PDIA5: variants seen among roughly 807,000 people sequenced by gnomAD.
PDIA5 encodes protein disulfide isomerase family A member 5, also known as protein disulfide-isomerase A5.
In PDIA5, 58 loss-of-function variants were observed where a neutral mutation model predicts 77.6. That is an observed-to-expected ratio of 0.75 (90% CI 0.61 to 0.93). The LOEUF is 0.93. Among genes scored for constraint, PDIA5 ranks in the 40% least tolerant of loss-of-function variants. PDIA5 has a pLI of 0.00. For missense variants in PDIA5, 630 were observed against 647.7 expected (o/e 0.97, Z 0.30); for synonymous variants, 250 against 252.1 (o/e 0.99, Z 0.08).
intron 1 of PDIA5, among the ~76,000 whole-genome samples, chr3:123,086,693 C>T (rs1934148469): frequency 6.6e-6 from 1 of 152,228 alleles, no homozygotes. Flanking sequence ...GATTTCTCTT[C>T]ACCATCAATG....
chr3:123,159,936 A>C (rs1936118897), intron 15 of PDIA5, among the ~76,000 whole-genome samples: 1 of 152,220 alleles, frequency 6.6e-6, no homozygotes. Context: ...GCTTTGTCCA[A>C]ATGCAAATAA....
intron 15 of PDIA5, among the ~76,000 whole-genome samples, chr3:123,158,282 G>A (rs938392): frequency 0.44 from 66,727 of 152,058 alleles, 14,968 homozygotes; most frequent in South Asian, 0.54. Context: ...TGCTCATATT[G>A]CTGAAGAGGT....
intron 2 of PDIA5, among the ~76,000 whole-genome samples, chr3:123,089,499 A>C (rs1451136865): frequency 2.0e-5 from 3 of 152,196 alleles, no homozygotes; most frequent in African/African-American, 7.2e-5. Flanking sequence ...GGGTGGTTCC[A>C]TTTCTTTTTT....
chr3:123,149,760 G>A (rs1341836983), intron 13 of PDIA5, among the ~76,000 whole-genome samples: 5 of 152,142 alleles, frequency 3.3e-5, no homozygotes, highest in African/African-American at 1.2e-4. Context: ...CTTACCTAAG[G>A]TTGCACAGCT....
At chr3:123,136,741 A>T (rs903784155) in intron 11 of PDIA5, among the ~76,000 whole-genome samples, 56 of 151,912 alleles carry the variant, frequency 3.7e-4, no homozygotes, top group African/African-American at 1.3e-3. Context: ...AAAAAAAAAA[A>T]AAAAAAAAGG....
At chr3:123,121,167 C>T (rs1167338237) in intron 8 of PDIA5, among the ~76,000 whole-genome samples, 1 of 152,194 alleles carries the variant, frequency 6.6e-6, no homozygotes, top group African/African-American at 2.4e-5. Context: ...GAAATGTGCT[C>T]CATTTCTTGG....
At chr3:123,148,345 A>G (rs992642086) in intron 13 of PDIA5, among the ~76,000 whole-genome samples, 1 of 152,090 alleles carries the variant, frequency 6.6e-6, no homozygotes, top group Non-Finnish European at 1.5e-5. Context: ...AGGCAGGAGG[A>G]TCTCTTGAGT....
At chr3:123,083,853 G>A (rs1934071424) in intron 1 of PDIA5, among the ~76,000 whole-genome samples, 2 of 152,190 alleles carry the variant, frequency 1.3e-5, no homozygotes, top group Non-Finnish European at 2.9e-5. Context: ...CATTGGAAAG[G>A]TTAAAATAGA....
intron 3 of PDIA5, among the ~76,000 whole-genome samples, chr3:123,097,210 G>T (rs550847415): frequency 3.3e-5 from 5 of 152,278 alleles, no homozygotes; most frequent in Admixed American, 1.3e-4. Flanking sequence ...CTTACCAGGG[G>T]GTAAAACAGA....
At chr3:123,110,823 ACTCCCCCTCCC>A in intron 6 of PDIA5, 110 bp from the exon 7 acceptor site, 5 of 846,352 alleles carry the variant, frequency 5.9e-6, no homozygotes, top group Admixed American at 1.8e-5. Context: ...TGAAGTGCTC[ACTCCCCCTCCC>A]CTCCCCATCC....
chr3:123,160,754 T>C (rs1233626173), intron 15 of PDIA5, among the ~76,000 whole-genome samples: 4 of 152,226 alleles, frequency 2.6e-5, no homozygotes, highest in Non-Finnish European at 5.9e-5. Flanking sequence ...AATTCTCTTA[T>C]TCAGTCTTCA....
chr3:123,148,972 C>T (rs536852484), intron 13 of PDIA5, among the ~76,000 whole-genome samples: 125 of 152,258 alleles, frequency 8.2e-4, no homozygotes, highest in African/African-American at 2.6e-3. Flanking sequence ...AACTGAGATG[C>T]GCCTGCCAGC....
chr3:123,136,454 T>G (rs1271326926), intron 11 of PDIA5, among the ~76,000 whole-genome samples: 6 of 152,000 alleles, frequency 3.9e-5, no homozygotes, highest in Non-Finnish European at 1.5e-5. Flanking sequence ...AACAGGGGGT[T>G]GGTTGGCTGG....
At chr3:123,143,064 A>G (rs1279344214) in intron 11 of PDIA5, among the ~76,000 whole-genome samples, 2 of 149,616 alleles carry the variant, frequency 1.3e-5, no homozygotes, top group African/African-American at 2.6e-5. Flanking sequence ...TACAAGGTAA[A>G]AAAAAACCTC....
At chr3:123,125,565 G>T (rs912464792) in intron 10 of PDIA5, among the ~76,000 whole-genome samples, 1 of 152,142 alleles carries the variant, frequency 6.6e-6, no homozygotes, top group African/African-American at 2.4e-5. Flanking sequence ...TAGGAACACA[G>T]TGTGCAAACC....
intron 11 of PDIA5, among the ~76,000 whole-genome samples, chr3:123,135,859 CTTT>C (rs374372363): frequency 7.5e-6 from 1 of 133,340 alleles, no homozygotes; most frequent in Admixed American, 7.6e-5. Context: ...TAAAATCGAC[CTTT>C]TTTTTTTTTT....
At chr3:123,087,120 G>C (rs1576436263) in intron 1 of PDIA5, among the ~76,000 whole-genome samples, 2 of 152,004 alleles carry the variant, frequency 1.3e-5, no homozygotes, top group African/African-American at 4.8e-5. Flanking sequence ...CATGATGCTG[G>C]GCCCTGCCAA....
At chr3:123,078,276 A>G (rs1249650409) in intron 1 of PDIA5, among the ~76,000 whole-genome samples, 1 of 152,202 alleles carries the variant, frequency 6.6e-6, no homozygotes, top group Non-Finnish European at 1.5e-5. Context: ...AGCAGTACAG[A>G]AGGACACATA....
intron 7 of PDIA5, among the ~76,000 whole-genome samples, chr3:123,115,485 C>A (rs1934972198): frequency 6.6e-6 from 1 of 152,156 alleles, no homozygotes; most frequent in African/African-American, 2.4e-5. Context: ...TGAGCCAAGG[C>A]CATCGCAGAC....
Sources: gnomAD v4.1 joint callset for allele counts (sites outside exome capture counted in the v4.1 genomes callset) on GRCh38, gnomAD v4.1.1 for gene constraint, MANE v1.5 for transcripts, NCBI Gene and HGNC (gene_info 2026-07-23, HGNC 2026-07-21) for gene names.